The following PEX5L variants were observed in gnomAD, a reference collection of about 807,000 sequenced individuals.
PEX5L encodes PEX5-related protein.
In PEX5L, 30 loss-of-function variants were observed where a neutral mutation model predicts 84.0. That is an observed-to-expected ratio of 0.36 (90% CI 0.27 to 0.48). The LOEUF (loss-of-function observed/expected upper bound fraction) is 0.48. PEX5L is among the 20% of genes least tolerant of loss of function. PEX5L has a pLI of 0.99. For missense variants in PEX5L, 533 were observed against 754.6 expected, an observed-to-expected ratio of 0.71 and a Z score of 3.44; for synonymous variants, 270 against 283.1, an observed-to-expected ratio of 0.95 and a Z score of 0.46.
intron 1 of PEX5L, chr3:179,973,263 T>G (rs199685276): frequency 7.8e-7 from 1 of 1,288,684 alleles, no homozygotes; most frequent in Non-Finnish European, 1.0e-6. Context: ...CCAGAATTCT[T>G]TATGCCACTG....
chr3:179,938,258 C>A (rs931283052), intron 2 of PEX5L, among the ~76,000 whole-genome samples: 2 of 152,162 alleles, frequency 1.3e-5, no homozygotes, highest in Non-Finnish European at 2.9e-5. Flanking sequence ...AAAATGTGGG[C>A]TGGCTGATTA....
intron 1 of PEX5L, among the ~76,000 whole-genome samples, chr3:180,010,697 C>G (rs879554350): frequency 6.6e-6 from 1 of 151,782 alleles, no homozygotes; most frequent in Non-Finnish European, 1.5e-5. Flanking sequence ...TCCTTCTCAT[C>G]TAGTATCAAT....
intron 14 of PEX5L, among the ~76,000 whole-genome samples, chr3:179,807,397 C>T (rs1721738814): frequency 6.6e-6 from 1 of 152,118 alleles, no homozygotes; most frequent in Non-Finnish European, 1.5e-5. Context: ...TGTCCTAATC[C>T]AGGCCAACTG....
chr3:179,983,341 T>C (rs1256644233), intron 1 of PEX5L, among the ~76,000 whole-genome samples: 1 of 151,888 alleles, frequency 6.6e-6, no homozygotes, highest in Non-Finnish European at 1.5e-5. Context: ...ATTCAAGAAA[T>C]CCTAGAAACC....
chr3:180,033,043 A>G (rs986298051), intron 1 of PEX5L, among the ~76,000 whole-genome samples: 6 of 152,210 alleles, frequency 3.9e-5, no homozygotes, highest in African/African-American at 1.2e-4. Flanking sequence ...TTTTGTTTCT[A>G]GTGAACCTAA....
At chr3:179,880,166 C>G (rs1260160533) in intron 4 of PEX5L, 43 bp from the exon 5 acceptor site, 2 of 1,237,042 alleles carry the variant, frequency 1.6e-6, no homozygotes, top group Non-Finnish European at 2.3e-6. Context: ...ATTTACTACT[C>G]TGAAATTATT....
intron 5 of PEX5L, 138 bp downstream of exon 5, chr3:179,879,791 A>G: frequency 1.8e-6 from 1 of 544,280 alleles, no homozygotes; most frequent in Non-Finnish European, 3.2e-6. Flanking sequence ...AAAAGAAGCT[A>G]TGTCCTGTCC....
intron 2 of PEX5L, among the ~76,000 whole-genome samples, chr3:179,959,802 T>C (rs9855801): frequency 0.78 from 118,892 of 152,130 alleles, 47,033 homozygotes; most frequent in East Asian, 0.96. Flanking sequence ...CACTGTTCCT[T>C]CTCACTCACC....
intron 8 of PEX5L, among the ~76,000 whole-genome samples, chr3:179,834,001 A>C (rs945258647): frequency 1.3e-5 from 2 of 151,932 alleles, no homozygotes; most frequent in African/African-American, 4.8e-5. Context: ...TGCGTGGCTA[A>C]ATTTTATTTT....
intron 1 of PEX5L, among the ~76,000 whole-genome samples, chr3:180,000,011 C>T (rs1332739506): frequency 1.3e-5 from 2 of 152,154 alleles, no homozygotes; most frequent in Non-Finnish European, 2.9e-5. Flanking sequence ...TTTCCCACAG[C>T]CAGGAGTCAC....
At chr3:179,993,036 T>TC (rs1179226693) in intron 1 of PEX5L, among the ~76,000 whole-genome samples, 18 of 149,912 alleles carry the variant, frequency 1.2e-4, no homozygotes, top group Non-Finnish European at 2.1e-4. Flanking sequence ...AAAAAAAAAC[T>TC]CCCCCCCGTT....
chr3:179,891,152 T>C (rs1757502685), intron 3 of PEX5L, among the ~76,000 whole-genome samples: 2 of 152,142 alleles, frequency 1.3e-5, no homozygotes, highest in African/African-American at 4.8e-5. Context: ...TCTACACCTC[T>C]GCCTCAGGAA....
At chr3:179,809,719 A>C in intron 11 of PEX5L, 51 bp from the exon 12 acceptor site, 1 of 1,392,534 alleles carries the variant, frequency 7.2e-7, no homozygotes. Flanking sequence ...GCCACAATCT[A>C]ACAGTTCTTC....
intron 2 of PEX5L, among the ~76,000 whole-genome samples, chr3:179,951,351 G>T (rs1378587134): frequency 6.6e-6 from 1 of 151,600 alleles, no homozygotes; most frequent in Non-Finnish European, 1.5e-5. Flanking sequence ...CAGAATAAAT[G>T]AGTCTATTTC....
chr3:180,019,014 T>C (rs536723352), intron 1 of PEX5L, among the ~76,000 whole-genome samples: 43 of 152,202 alleles, frequency 2.8e-4, no homozygotes, highest in Non-Finnish European at 4.7e-4. Flanking sequence ...GAATGGTCAA[T>C]ATGCAGAAAT....
At chr3:180,014,595 T>C (rs1010181293) in intron 1 of PEX5L, among the ~76,000 whole-genome samples, 1 of 152,162 alleles carries the variant, frequency 6.6e-6, no homozygotes, top group Non-Finnish European at 1.5e-5. Flanking sequence ...AAAGTTTAAA[T>C]CTGGAAAATT....
chr3:179,827,548 G>A (rs985732509), intron 8 of PEX5L, among the ~76,000 whole-genome samples: 1 of 152,048 alleles, frequency 6.6e-6, no homozygotes, highest in Non-Finnish European at 1.5e-5. Flanking sequence ...ACAGAGTTTT[G>A]GGCAAAACAA....
chr3:179,970,047 C>T (rs1251212980), intron 2 of PEX5L, among the ~76,000 whole-genome samples: 2 of 151,828 alleles, frequency 1.3e-5, no homozygotes, highest in Non-Finnish European at 2.9e-5. Flanking sequence ...TATAACTTTG[C>T]AGTTTTCTGA....
chr3:179,866,033 G>A (rs771992435), intron 7 of PEX5L, among the ~76,000 whole-genome samples: 2 of 152,092 alleles, frequency 1.3e-5, no homozygotes, highest in African/African-American at 2.4e-5. Context: ...CATTTTAATT[G>A]GTTTAACTTA....
Sources: allele counts gnomAD v4.1 joint callset (sites outside exome capture counted in the v4.1 genomes callset), GRCh38; gene constraint gnomAD v4.1.1; transcripts MANE v1.5; gene names NCBI Gene and HGNC (gene_info 2026-07-23, HGNC 2026-07-21).